PTPRD: variants seen among roughly 807,000 people sequenced by gnomAD.
PTPRD encodes receptor-type tyrosine-protein phosphatase delta.
Under a neutral mutation model 214.5 loss-of-function variants are expected in PTPRD, and 34 were observed. The ratio of observed to expected loss-of-function variants is 0.16; its 90% CI spans 0.12 to 0.21. The LOEUF is 0.21. Ranked by LOEUF, PTPRD falls within the 10% of genes least tolerant of loss-of-function variation. The pLI, the probability that PTPRD is intolerant of heterozygous loss-of-function variation, is 1.00. For synonymous variants in PTPRD, 1,128 were observed against 845.7 expected (o/e 1.33, Z -5.79); for missense variants, 2,545 against 2,398.7 (o/e 1.06, Z -1.27).
chr9:10,573,896 A>G (rs529358364), intron 2 of PTPRD, among the ~76,000 whole-genome samples: 3 of 152,164 alleles, frequency 2.0e-5, no homozygotes, highest in Non-Finnish European at 4.4e-5. Context: ...ATACCTATGT[A>G]ACAAAACTGC....
At chr9:10,205,108 G>A (rs1474057646) in intron 3 of PTPRD, among the ~76,000 whole-genome samples, 1 of 152,042 alleles carries the variant, frequency 6.6e-6, no homozygotes, top group Non-Finnish European at 1.5e-5. Context: ...CTATGTATAT[G>A]TGTATTTATT....
chr9:8,371,384 G>A (rs534911400), intron 39 of PTPRD, among the ~76,000 whole-genome samples: 1 of 152,084 alleles, frequency 6.6e-6, no homozygotes, highest in Non-Finnish European at 1.5e-5. Context: ...AGAGCTGGGG[G>A]TAAAAATGTA....
chr9:9,000,729 C>T lies in PTPRD; in HGVS notation c.-104+17968G>A, dbSNP rs183471060. ...GCTAAAAAACAGGCAGCTCTCATTC[C>T]ACCAAATTAAACCTCGCCAAGCAGA... On this transcript the variant is annotated intron_variant, in intron 11 of 45. Coordinates refer to ENST00000381196, the MANE Select transcript of PTPRD (RefSeq NM_002839.4). Among the ~76,000 whole-genome samples, 18 of 152,012 alleles carry T rather than the reference C, an allele frequency of 1.2e-4. No homozygotes were observed. In the East Asian group the frequency reaches 3.5e-3, roughly 30 times the overall value.
At position 10,160,231 on chromosome 9, in the gene PTPRD, A is replaced by G. The variant is rs1363014130; in HGVS notation, c.-544-126441T>C. On this transcript the variant is annotated intron_variant, in intron 3 of 45. Transcript: ENST00000381196. Reference sequence around the variant, plus strand: ...AAAATAGACTATTACAAACAGGTATACACCAATAAATTGGAAAACTTATTG... The same window carrying G: ...AAAATAGACTATTACAAACAGGTATGCACCAATAAATTGGAAAACTTATTG... Among the ~76,000 whole-genome samples, 9 of 152,096 alleles carry G rather than the reference A, an allele frequency of 5.9e-5. 1 individual carries two copies. Among genetic ancestry groups the G allele is most frequent in the Non-Finnish European group, 1.3e-4 (9 of 67,934 alleles).
In PTPRD at chr9:9,368,856, T is replaced by G. The variant is rs1484927278; in HGVS notation, c.-203+28593A>C. ...GTGCCATGTTGGTGTGCTGCACCCA[T>G]TAACTCGTGTCGTCATTTAGCATTA... On this transcript the variant is annotated intron_variant, in intron 9 of 45. Coordinates refer to ENST00000381196, the MANE Select transcript of PTPRD (RefSeq NM_002839.4). Among the ~76,000 whole-genome samples the G allele has an allele frequency of 3.3e-5, 5 of 151,906 alleles. No individual in the cohort carries two copies. The East Asian group carries it at 9.7e-4, about 30-fold the overall frequency.
chr9:9,580,143 C>T (rs1173641519), intron 7 of PTPRD, among the ~76,000 whole-genome samples: 1 of 152,002 alleles, frequency 6.6e-6, no homozygotes, highest in East Asian at 1.9e-4. Context: ...CATAACTTTG[C>T]TATTGTGAAT....
intron 7 of PTPRD, among the ~76,000 whole-genome samples, chr9:9,668,700 A>G (rs1488578329): frequency 6.6e-6 from 1 of 152,094 alleles, no homozygotes; most frequent in Admixed American, 6.6e-5. Flanking sequence ...ATTTATTTTT[A>G]TTATTACTTT....
At chr9:8,338,624 C>T (rs1418927000) in intron 43 of PTPRD, among the ~76,000 whole-genome samples, 1 of 152,078 alleles carries the variant, frequency 6.6e-6, no homozygotes, top group Non-Finnish European at 1.5e-5. Context: ...AATGTAAGCA[C>T]AGCCAACCAA....
At chr9:10,191,062 A>C (rs1564426070) in intron 3 of PTPRD, among the ~76,000 whole-genome samples, 1 of 152,174 alleles carries the variant, frequency 6.6e-6, no homozygotes, top group East Asian at 1.9e-4. Flanking sequence ...GCCAGTAATT[A>C]CAAAATAAAT....
intron 11 of PTPRD, among the ~76,000 whole-genome samples, chr9:8,960,220 G>A (rs2099151744): frequency 1.3e-5 from 2 of 152,022 alleles, no homozygotes; most frequent in African/African-American, 4.8e-5. Flanking sequence ...AACAGATAAG[G>A]TAGTACTTAT....
At chr9:8,458,585 T>C (rs1375574812) in intron 33 of PTPRD, among the ~76,000 whole-genome samples, 4 of 152,154 alleles carry the variant, frequency 2.6e-5, no homozygotes, top group African/African-American at 9.7e-5. Context: ...CACTGCTTTT[T>C]ATTATTGAAT....
At chr9:10,290,103 T>C (rs1364950290) in intron 3 of PTPRD, among the ~76,000 whole-genome samples, 1 of 152,130 alleles carries the variant, frequency 6.6e-6, no homozygotes, top group Non-Finnish European at 1.5e-5. Context: ...CAAATCATTA[T>C]CCAGGAGCTT....
chr9:9,247,788 T>C (rs1009325776), intron 9 of PTPRD, among the ~76,000 whole-genome samples: 1 of 152,062 alleles, frequency 6.6e-6, no homozygotes, highest in Non-Finnish European at 1.5e-5. Flanking sequence ...CCAATTCCAT[T>C]GAATCAGATT....
intron 11 of PTPRD, among the ~76,000 whole-genome samples, chr9:8,933,223 A>T (rs1379381503): frequency 6.6e-6 from 1 of 151,514 alleles, no homozygotes; most frequent in African/African-American, 2.4e-5. Flanking sequence ...TTCCAATGAG[A>T]TGAGCAGGGT....
intron 3 of PTPRD, among the ~76,000 whole-genome samples, chr9:10,280,616 T>G (rs557295645): frequency 1.3e-5 from 2 of 152,222 alleles, no homozygotes; most frequent in South Asian, 4.2e-4. Context: ...ATTTGCATAT[T>G]TTTTTGAGAC....
intron 11 of PTPRD, among the ~76,000 whole-genome samples, chr9:8,887,676 A>C (rs1332301980): frequency 6.6e-6 from 1 of 152,200 alleles, no homozygotes; most frequent in Non-Finnish European, 1.5e-5. Context: ...AGTTACAAAG[A>C]GATGAGATTT....
At chr9:10,193,447 G>A (rs1258345089) in intron 3 of PTPRD, among the ~76,000 whole-genome samples, 1 of 152,122 alleles carries the variant, frequency 6.6e-6, no homozygotes, top group African/African-American at 2.4e-5. Context: ...GAGAGGTCGA[G>A]AGTTAAATAA....
intron 8 of PTPRD, among the ~76,000 whole-genome samples, chr9:9,463,247 A>G (rs2093827399): frequency 1.3e-5 from 2 of 152,190 alleles, no homozygotes; most frequent in African/African-American, 4.8e-5. Flanking sequence ...GCTAGGGATC[A>G]TTGAATCCTT....
chr9:10,507,013 G>A (rs1437685655), intron 2 of PTPRD, among the ~76,000 whole-genome samples: 1 of 152,022 alleles, frequency 6.6e-6, no homozygotes, highest in Non-Finnish European at 1.5e-5. Context: ...TCCCTGTCTT[G>A]TGCCTGTTTT....
Sources: allele counts gnomAD v4.1 joint callset (sites outside exome capture counted in the v4.1 genomes callset), GRCh38; gene constraint gnomAD v4.1.1; transcripts MANE v1.5; gene names NCBI Gene and HGNC (gene_info 2026-07-23, HGNC 2026-07-21).